ANO6: variants seen among roughly 807,000 people sequenced by gnomAD.
The protein encoded by ANO6 is anoctamin-6.
A neutral mutation model predicts 117.5 loss-of-function variants in ANO6; 106 were observed. The observed-to-expected ratio is 0.90, with a 90% CI of 0.77 to 1.06. The LOEUF (loss-of-function observed/expected upper bound fraction) is 1.06, where lower values mean the gene tolerates loss of function less well. Ranked by LOEUF, ANO6 falls within the 50% of genes least tolerant of loss-of-function variation. The pLI is 0.00. For missense variants in ANO6, 955 were observed against 1,121.1 expected, an observed-to-expected ratio of 0.85 and a Z score of 2.12; for synonymous variants, 367 against 385.1, an observed-to-expected ratio of 0.95 and a Z score of 0.55.
At chr12:45,353,097 A>G (rs1941324009) in intron 7 of ANO6, among the ~76,000 whole-genome samples, 1 of 145,462 alleles carries the variant, frequency 6.9e-6, no homozygotes, top group South Asian at 2.1e-4. Flanking sequence ...TTATACAAGA[A>G]TACGTGATAC....
At chr12:45,348,714 G>GT (rs1201096114) in intron 6 of ANO6, 83 bp downstream of exon 6, 7 of 1,021,054 alleles carry the variant, frequency 6.9e-6, no homozygotes, top group African/African-American at 4.8e-5. Flanking sequence ...TTTCCTGACT[G>GT]TAAGTTTCTT....
At chr12:45,347,438 A>T (rs1324704711) in intron 4 of ANO6, 3 of 256,340 alleles carry the variant, frequency 1.2e-5, no homozygotes, top group Non-Finnish European at 2.2e-5. Flanking sequence ...TTAATTATCC[A>T]TAAATAATTT....
intron 1 of ANO6, among the ~76,000 whole-genome samples, chr12:45,263,808 G>C (rs774565883): frequency 2.6e-5 from 4 of 152,170 alleles, no homozygotes; most frequent in Non-Finnish European, 5.9e-5. Flanking sequence ...AGAGGCCTTG[G>C]TTTGACAAAT....
chr12:45,372,170 A>G (rs1322749085), intron 9 of ANO6, among the ~76,000 whole-genome samples: 2 of 152,048 alleles, frequency 1.3e-5, no homozygotes, highest in African/African-American at 2.4e-5. Flanking sequence ...AAAAGAGAAT[A>G]AAAAGAAATG....
intron 2 of ANO6, among the ~76,000 whole-genome samples, chr12:45,304,426 A>G (rs911431566): frequency 3.9e-5 from 6 of 152,196 alleles, no homozygotes; most frequent in Non-Finnish European, 8.8e-5. Flanking sequence ...AGCAGAAAGA[A>G]CCCAAAGGCA....
At chr12:45,237,823 C>T (rs972923306) in intron 1 of ANO6, among the ~76,000 whole-genome samples, 8 of 152,114 alleles carry the variant, frequency 5.3e-5, no homozygotes, top group Non-Finnish European at 7.4e-5. Flanking sequence ...GCAGTATGGC[C>T]GTTTTCACAA....
intron 16 of ANO6, 40 bp from the exon 17 acceptor site, chr12:45,416,659 T>A: frequency 6.3e-7 from 1 of 1,599,528 alleles, no homozygotes; most frequent in Non-Finnish European, 8.6e-7. Context: ...TGTCCTTCCA[T>A]CCACCACCAC....
intron 2 of ANO6, among the ~76,000 whole-genome samples, chr12:45,318,952 TG>T (rs1213957165): frequency 6.6e-6 from 1 of 152,206 alleles, no homozygotes; most frequent in Non-Finnish European, 1.5e-5. Flanking sequence ...TTGTGATTTT[TG>T]TACATTGATT....
Position 45,389,610 on chromosome 12 carries a change from C to T in ANO6, c.1309-811C>T, listed in dbSNP as rs188941720. 2.1e-4 allele frequency among the ~76,000 whole-genome samples: 32 copies of T among 152,224 alleles called. No homozygotes were observed. In the East Asian group the frequency reaches 6.2e-3, roughly 29 times the overall value. ...TTATTCCTCGTTTCACTTTCATTGC[C>T]CACATACCCTCCCTTTGTTTAGAGA... On this transcript the variant is annotated intron_variant, in intron 11 of 19. Transcript: ENST00000320560.
intron 18 of ANO6, among the ~76,000 whole-genome samples, chr12:45,422,144 T>C (rs1450037227): frequency 6.6e-6 from 1 of 152,190 alleles, no homozygotes; most frequent in African/African-American, 2.4e-5. Context: ...GTTTAATAGC[T>C]TACAGGCATA....
intron 12 of ANO6, 32 bp from the exon 13 acceptor site, chr12:45,401,762 AG>A: frequency 6.5e-7 from 1 of 1,541,426 alleles, no homozygotes; most frequent in Non-Finnish European, 9.0e-7. Context: ...GTTATTGGTG[AG>A]TCTCATGCTA....
intron 2 of ANO6, among the ~76,000 whole-genome samples, chr12:45,306,285 G>A (rs1042021420): frequency 4.6e-5 from 7 of 152,086 alleles, no homozygotes; most frequent in Admixed American, 1.3e-4. Flanking sequence ...TGCCAACCGA[G>A]GATGTTTTTC....
intron 3 of ANO6, among the ~76,000 whole-genome samples, chr12:45,333,214 T>G (rs1245650701): frequency 6.6e-6 from 1 of 152,076 alleles, no homozygotes; most frequent in Non-Finnish European, 1.5e-5. Context: ...TTAATTCTTG[T>G]ATCTTCCCAT....
intron 1 of ANO6, among the ~76,000 whole-genome samples, chr12:45,230,777 T>G (rs867759851): frequency 5.9e-5 from 9 of 152,328 alleles, no homozygotes; most frequent in South Asian, 2.1e-4. Context: ...AAAGTAGTGT[T>G]CTTGATATTG....
intron 3 of ANO6, among the ~76,000 whole-genome samples, chr12:45,334,538 A>C (rs1940769593): frequency 6.6e-6 from 1 of 151,948 alleles, no homozygotes; most frequent in African/African-American, 2.4e-5. Context: ...GCTCCTCTGG[A>C]AGGGCCCTTT....
rs1213215926 is a variant in ANO6, at chr12:45,390,471, C to G, written c.1359C>G (p.Thr453=). The change falls in exon 12 of 20, where the codon ACC becomes ACG. Residue 453 remains threonine (T), a synonymous_variant. Transcript: ENST00000320560. ...FTAWGKCIRI[T]LCASAVFFWI... ...CCTGGGGAAAATGTATACGGATAAC[C>G]CTCTGTGCCAGTGCTGTCTTTTTCT... 4.3e-6 allele frequency: 7 copies of G among 1,613,646 alleles called. No homozygotes were observed. The highest frequency in any genetic ancestry group is 5.9e-6 in the Non-Finnish European group (7 of 1,179,852).
intron 10 of ANO6, among the ~76,000 whole-genome samples, chr12:45,382,730 ATAGTC>A (rs1942199640): frequency 6.6e-6 from 1 of 152,238 alleles, no homozygotes; most frequent in Non-Finnish European, 1.5e-5. Context: ...ATACTATACT[ATAGTC>A]TAGTGAGTGT....
At chr12:45,439,565 C>T in intron 19 of ANO6, 1 of 1,033,628 alleles carries the variant, frequency 9.7e-7, no homozygotes, top group East Asian at 3.0e-5. Flanking sequence ...AACAAATTCT[C>T]AAAGGTAAAT....
chr12:45,426,660 C>T (rs1424529512), intron 19 of ANO6, among the ~76,000 whole-genome samples: 1 of 152,134 alleles, frequency 6.6e-6, no homozygotes, highest in East Asian at 1.9e-4. Flanking sequence ...ATCACTTGCC[C>T]CTGGAAACTC....
Sources: allele counts gnomAD v4.1 joint callset (sites outside exome capture counted in the v4.1 genomes callset), GRCh38; gene constraint gnomAD v4.1.1; transcripts MANE v1.5; gene names NCBI Gene and HGNC (gene_info 2026-07-23, HGNC 2026-07-21).